MRPL38: variants seen among roughly 807,000 people sequenced by gnomAD.
MRPL38 encodes the protein mitochondrial ribosomal protein L38.
Under a neutral mutation model 52.1 loss-of-function variants are expected in MRPL38, and 51 were observed. That is an observed-to-expected ratio of 0.98 (90% CI 0.78 to 1.24). The LOEUF is 1.24. MRPL38 is among the 50% of genes most tolerant of loss of function. MRPL38 has a pLI of 0.00. For synonymous variants in MRPL38, 245 were observed against 212.7 expected, an observed-to-expected ratio of 1.15 and a Z score of -1.32; for missense variants, 527 against 518.6, an observed-to-expected ratio of 1.02 and a Z score of -0.16.
At chr17:75,900,720 CAAAAA>C (rs5822109) in intron 6 of MRPL38, 1,665 of 1,030,702 alleles carry the variant, frequency 1.6e-3, no homozygotes, top group South Asian at 3.9e-3. Flanking sequence ...GACCCTGTCT[CAAAAA>C]AAAAAAAAAA....
At chr17:75,902,906 G>C (rs1211600522) in intron 2 of MRPL38, among the ~76,000 whole-genome samples, 2 of 152,084 alleles carry the variant, frequency 1.3e-5, no homozygotes, top group African/African-American at 2.4e-5. Context: ...TGTATTTTTA[G>C]TAGAGACGGG....
intron 1 of MRPL38, 41 bp downstream of exon 1, chr17:75,904,768 C>CCGGGGGGGGGGG: frequency 8.5e-6 from 9 of 1,056,340 alleles, no homozygotes; most frequent in South Asian, 1.6e-5. Context: ...GCTCGGGCGA[C>CCGGGGGGGGGGG]AGCCCCCCCC....
rs2065404492 is a variant in MRPL38 at position 75,901,551 on chromosome 17, A to G, written c.591+161T>C. 2.9e-6 allele frequency: 2 copies of G among 700,734 alleles called. No homozygotes were observed. Among genetic ancestry groups the G allele is most frequent in the South Asian group, 3.6e-5 (2 of 56,236 alleles). The allele number at this position is 700,734 out of a possible 1,614,324, so 43.4% of individuals were successfully genotyped here. ...CTAAGACAGAGCCTCTTTTTCCTTCATTTTGTTCTATTTTCTTTGAAATTG... is the reference window on the plus strand; with the variant it reads ...CTAAGACAGAGCCTCTTTTTCCTTCGTTTTGTTCTATTTTCTTTGAAATTG... On this transcript the variant is annotated intron_variant, in intron 4 of 8. Coordinates refer to ENST00000309352, the MANE Select transcript of MRPL38 (RefSeq NM_032478.4). The surrounding 1 kb of genome is among the most constrained non-coding windows in gnomAD (Gnocchi z 5.7).
Position 75,904,520 on chromosome 17 carries a change from C to T in MRPL38, c.247+20G>A. 2 of 1,512,368 alleles carry T rather than the reference C, an allele frequency of 1.3e-6. No homozygotes were observed. Among genetic ancestry groups the T allele is most frequent in the East Asian group, 2.4e-5 (1 of 42,510 alleles). The allele number at this position is 1,512,368 out of a possible 1,614,324, so 93.7% of individuals were successfully genotyped here. Reference sequence around the variant, plus strand: ...GTTCCCCGGGCGGTGGCTGCAGCCCCTGCTCCAGTCGCCCCGCACCTGTCT... The same window carrying T: ...GTTCCCCGGGCGGTGGCTGCAGCCCTTGCTCCAGTCGCCCCGCACCTGTCT... On this transcript the variant is annotated intron_variant, in intron 2 of 8. Coordinates refer to ENST00000309352, the MANE Select transcript of MRPL38 (RefSeq NM_032478.4).
At position 75,899,569 on chromosome 17, in the gene MRPL38, G is replaced by A; in HGVS notation, c.816C>T (p.Leu272=). 2 of 1,607,580 alleles carry A rather than the reference G, an allele frequency of 1.2e-6. No individual in the cohort carries two copies. The highest frequency in any genetic ancestry group is 1.3e-5 in the African/African-American group (1 of 74,944). Residue 272 remains leucine (L), a synonymous_variant, in exon 7 of 9, where the codon CTC becomes CTT. Transcript: ENST00000309352. ...AGTCAATCGGCTGGTCCTGCTTGAAGAGCAGGAAGGCAAGACGGTGGATGC... is the reference window on the plus strand; with the variant it reads ...AGTCAATCGGCTGGTCCTGCTTGAAAAGCAGGAAGGCAAGACGGTGGATGC... ...GSGIHRLAFL[L]FKQDQPIDFS...
At position 75,904,693 on chromosome 17, in the gene MRPL38, G is replaced by T; in HGVS notation, c.94C>A (p.Leu32Met). The change falls in exon 2 of 9, where the codon CTG (leucine) becomes ATG (methionine). Residue 32 changes from leucine (L) to methionine (M), a missense_variant. Transcript: ENST00000309352. ...SAVLGRRTPP[L>M]GPMPNSDIDL... Reference sequence around the variant, plus strand: ...ATGTCACTGTTGGGCATCGGCCCCAGCGGGGGTGTCCGGCGGCCCAGGACG... The same window carrying T: ...ATGTCACTGTTGGGCATCGGCCCCATCGGGGGTGTCCGGCGGCCCAGGACG... 6.3e-7 allele frequency: 1 copy of T among 1,594,190 alleles called. No individual in the cohort carries two copies. Among genetic ancestry groups the T allele is most frequent in the Non-Finnish European group, 8.5e-7 (1 of 1,177,430 alleles).
At position 75,904,883 on chromosome 17, in the gene MRPL38, C is replaced by T. The variant is rs955135040; in HGVS notation, c.-8G>A. 2.0e-6 allele frequency: 3 copies of T among 1,525,990 alleles called. No individual in the cohort carries two copies. Among genetic ancestry groups the T allele is most frequent in the South Asian group, 2.4e-5 (2 of 82,900 alleles). 94.5% of individuals were successfully genotyped at this position (1,525,990 alleles called of 1,614,324 possible). A position where few individuals can be genotyped will look rare whatever the true frequency, so the allele number is the denominator to read the frequency against. ...CCACCAGGGCGCCGCCATCTTCCCTCCGGCCTGCGACACTGCGGCCGCCAC... is the reference window on the plus strand; with the variant it reads ...CCACCAGGGCGCCGCCATCTTCCCTTCGGCCTGCGACACTGCGGCCGCCAC... On this transcript the variant is annotated 5_prime_UTR_variant, in exon 1 of 9. Transcript: ENST00000309352.
In MRPL38 at chr17:75,898,794, T is replaced by C. The variant is rs2065388192; in HGVS notation, c.*56A>G. On this transcript the variant is annotated 3_prime_UTR_variant, in exon 9 of 9. Coordinates refer to ENST00000309352, the MANE Select transcript of MRPL38 (RefSeq NM_032478.4). ...CACAGTGTGGGCCTCTGGAGCTGTG[T>C]CTTTACTCTTGCTGCCGATCAATCC... is the stretch of plus-strand genomic sequence containing the variant. 1 of 1,602,642 alleles carries C rather than the reference T, an allele frequency of 6.2e-7. No homozygotes were observed. The highest frequency in any genetic ancestry group is 1.1e-5 in the South Asian group (1 of 89,530).
intron 2 of MRPL38, chr17:75,904,088 G>A: frequency 8.2e-6 from 3 of 364,630 alleles, no homozygotes; most frequent in South Asian, 4.3e-5. Context: ...GCAAAGTATT[G>A]CACATGTACA....
intron 6 of MRPL38, 107 bp downstream of exon 6, chr17:75,900,875 C>G (rs1555611672): frequency 6.8e-7 from 1 of 1,466,000 alleles, no homozygotes; most frequent in South Asian, 1.4e-5. Flanking sequence ...CAGGTGAATT[C>G]AAGGTCCCAT....
intron 1 of MRPL38, 41 bp downstream of exon 1, chr17:75,904,768 C>CTGGGGGGGGG: frequency 9.5e-7 from 1 of 1,056,388 alleles, no homozygotes; most frequent in Non-Finnish European, 1.2e-6. Flanking sequence ...GCTCGGGCGA[C>CTGGGGGGGGG]AGCCCCCCCC....
intron 6 of MRPL38, chr17:75,900,696 G>C (rs1199063242): frequency 8.7e-7 from 1 of 1,153,322 alleles, no homozygotes; most frequent in Non-Finnish European, 1.1e-6. Flanking sequence ...ACTCCAGCCT[G>C]GGGGACAGAG....
chr17:75,904,354 GA>G (rs1157074680), intron 2 of MRPL38, 185 bp downstream of exon 2: 1 of 731,352 alleles, frequency 1.4e-6, no homozygotes, highest in Non-Finnish European at 2.5e-6. Context: ...ATGAGGTGCA[GA>G]AGGTGTGAAA....
Position 75,898,965 on chromosome 17 carries a change from T to A in MRPL38, c.1028A>T (p.Glu343Val). 1 of 1,602,364 alleles carries A rather than the reference T, an allele frequency of 6.2e-7. No individual in the cohort carries two copies. The highest frequency in any genetic ancestry group is 8.5e-7 in the Non-Finnish European group (1 of 1,175,678). The part of the protein sequence containing the change: ...QLLDMREPVF[E>V]FVRPPPYHPK... The stretch of plus-strand genomic sequence containing the variant: ...GTGGTAAGGGGGCGGCCGCACGAAC[T>A]CAAACACCGGCTCCCGCATGTCTGC... Residue 343 changes from glutamate (E) to valine (V), a missense_variant, in exon 9 of 9, where the codon GAG becomes GTG. Glu to Val is a moderately radical substitution (Grantham distance 121, BLOSUM62 -2). Coordinates refer to ENST00000309352, the MANE Select transcript of MRPL38 (RefSeq NM_032478.4).
chr17:75,903,261 T>C (rs1448260736), intron 2 of MRPL38, among the ~76,000 whole-genome samples: 4 of 152,134 alleles, frequency 2.6e-5, no homozygotes. Context: ...ATACAAAAAT[T>C]AGCTGGGCGT....
intron 2 of MRPL38, among the ~76,000 whole-genome samples, chr17:75,903,243 T>C (rs1453060107): frequency 1.3e-5 from 2 of 152,164 alleles, no homozygotes; most frequent in African/African-American, 4.8e-5. Context: ...ACCCCATCTC[T>C]ACTAAAAATA....
chr17:75,902,095 G>C lies in MRPL38; in HGVS notation c.307C>G (p.Leu103Val), dbSNP rs1415668156. Residue 103 changes from leucine (L) to valine (V), a missense_variant, in exon 3 of 9, where the codon CTA becomes GTA. Physicochemically the swap from Leu to Val is conservative, Grantham distance 32 (BLOSUM62 1). Coordinates refer to ENST00000309352, the MANE Select transcript of MRPL38 (RefSeq NM_032478.4). ...TGGATGGCCTGTTTCCGTTCCAGTA[G>C]CTGTTGGGTCCGGGAGACTTTGGGT... ...PPPKVSRTQQ[L>V]LERKQAIQEL... is the part of the protein sequence containing the mutation. The C allele has an allele frequency of 1.2e-6, 2 of 1,605,552 alleles. No individual in the cohort carries two copies.
chr17:75,901,465 C>G lies in MRPL38; in HGVS notation c.592-192G>C. 1.5e-6 allele frequency: 1 copy of G among 686,880 alleles called. No individual in the cohort carries two copies. The highest frequency in any genetic ancestry group is 2.7e-5 in the East Asian group (1 of 36,912). 42.5% of individuals were successfully genotyped at this position (686,880 alleles called of 1,614,324 possible). ...TCCAGGCAACAACCACAAAAACGAACATGTGCCAAGGCCGGGCCAGGAGGG... is the reference window on the plus strand; with the variant it reads ...TCCAGGCAACAACCACAAAAACGAAGATGTGCCAAGGCCGGGCCAGGAGGG... On this transcript the variant is annotated intron_variant, in intron 4 of 8. Coordinates refer to ENST00000309352, the MANE Select transcript of MRPL38 (RefSeq NM_032478.4). The surrounding 1 kb of genome is among the most constrained non-coding windows in gnomAD (Gnocchi z 5.7).
chr17:75,904,770 G>GGGCCCCCCCCCCCCCCCCCCCCCCCCCC, intron 1 of MRPL38, 39 bp downstream of exon 1: 1 of 500,008 alleles, frequency 2.0e-6, no homozygotes, highest in Non-Finnish European at 2.8e-6. Context: ...TCGGGCGACA[G>GGGCCCCCCCCCCCCCCCCCCCCCCCCCC]CCCCCCCCCC....
Sources: allele counts gnomAD v4.1 joint callset (sites outside exome capture counted in the v4.1 genomes callset), GRCh38; gene constraint gnomAD v4.1.1; non-coding constraint Gnocchi (gnomAD v3.1); transcripts MANE v1.5; gene names NCBI Gene and HGNC (gene_info 2026-07-23, HGNC 2026-07-21).